The following LRP1B variants were observed in gnomAD, a reference collection of about 807,000 sequenced individuals.
The protein encoded by LRP1B is low-density lipoprotein receptor-related protein 1B.
In LRP1B, 217 loss-of-function variants were observed where a neutral mutation model predicts 556.6. That is an observed-to-expected ratio of 0.39 (90% CI 0.35 to 0.44). The LOEUF (loss-of-function observed/expected upper bound fraction) is 0.44, where lower values mean the gene tolerates loss of function less well. Among genes scored for constraint, LRP1B ranks in the 20% least tolerant of loss-of-function variants. LRP1B has a pLI of 1.00. For synonymous variants in LRP1B, 2,047 were observed against 1,865.8 expected (o/e 1.10, Z -2.50); for missense variants, 5,053 against 5,620.8 (o/e 0.90, Z 3.23).
At chr2:140,829,993 A>G (rs927060281) in intron 31 of LRP1B, among the ~76,000 whole-genome samples, 7 of 152,048 alleles carry the variant, frequency 4.6e-5, no homozygotes, top group African/African-American at 1.7e-4. Flanking sequence ...AACACTAACA[A>G]ATTGGAAAAC....
At chr2:141,420,151 A>G (rs932445127) in intron 3 of LRP1B, among the ~76,000 whole-genome samples, 1 of 152,174 alleles carries the variant, frequency 6.6e-6, no homozygotes, top group African/African-American at 2.4e-5. Context: ...TTCTCCTTTC[A>G]GTTATGCCAT....
chr2:140,717,859 A>C (rs948871361), intron 35 of LRP1B, among the ~76,000 whole-genome samples: 4 of 152,120 alleles, frequency 2.6e-5, no homozygotes, highest in Non-Finnish European at 1.5e-5. Flanking sequence ...CCAGTTCAGG[A>C]AAAGATTCCA....
At chr2:142,097,057 C>CG (rs1706397395) in intron 1 of LRP1B, among the ~76,000 whole-genome samples, 1 of 93,750 alleles carries the variant, frequency 1.1e-5, no homozygotes, top group African/African-American at 3.7e-5. Context: ...ATTATCATTG[C>CG]AAAAAAAAAA....
At chr2:140,927,479 C>T (rs1409049153) in intron 20 of LRP1B, among the ~76,000 whole-genome samples, 1 of 151,906 alleles carries the variant, frequency 6.6e-6, no homozygotes, top group Non-Finnish European at 1.5e-5. Flanking sequence ...TATGGTTTTT[C>T]TCATATAAAA....
intron 1 of LRP1B, among the ~76,000 whole-genome samples, chr2:141,898,926 C>T (rs756025704): frequency 5.9e-5 from 9 of 152,036 alleles, no homozygotes; most frequent in Non-Finnish European, 8.8e-5. Context: ...TTAGTGTAGT[C>T]GATTCAAATA....
At chr2:141,600,894 C>G (rs886673535) in intron 2 of LRP1B, among the ~76,000 whole-genome samples, 15 of 152,200 alleles carry the variant, frequency 9.9e-5, no homozygotes, top group East Asian at 5.8e-4. Context: ...CCGAACAGAA[C>G]CTGGGGTCAG....
Position 140,408,393 on chromosome 2 carries a change from C to T in LRP1B, c.10415-22384G>A, listed in dbSNP as rs527865883. 6.6e-5 allele frequency among the ~76,000 whole-genome samples: 10 copies of T among 151,978 alleles called. No individual in the cohort carries two copies. The South Asian group carries it at 1.7e-3, about 25-fold the overall frequency. ...GTGCCAATGCTGATCATGTACTAGG[C>T]GATCTTGTGAGCTCTGGGTTTTATA... On this transcript the variant is annotated intron_variant, in intron 66 of 90. Transcript: ENST00000389484.
chr2:141,507,809 G>T (rs1263599393), intron 2 of LRP1B, among the ~76,000 whole-genome samples: 1 of 152,024 alleles, frequency 6.6e-6, no homozygotes, highest in East Asian at 1.9e-4. Flanking sequence ...AAACAGTCTG[G>T]GTGTGGTGGC....
chr2:141,949,687 C>T (rs1292171881), intron 1 of LRP1B, among the ~76,000 whole-genome samples: 12 of 152,102 alleles, frequency 7.9e-5, no homozygotes, highest in Admixed American at 7.2e-4. Context: ...CGTGCCTGGC[C>T]GAAACAAAAT....
chr2:141,172,264 A>G (rs1232717579), intron 7 of LRP1B, among the ~76,000 whole-genome samples: 4 of 152,060 alleles, frequency 2.6e-5, no homozygotes, highest in Non-Finnish European at 5.9e-5. Context: ...GTAGTATTGC[A>G]TTATAACATG....
chr2:140,741,379 A>G (rs1028792925), intron 35 of LRP1B, among the ~76,000 whole-genome samples: 5 of 152,126 alleles, frequency 3.3e-5, no homozygotes, highest in African/African-American at 1.2e-4. Context: ...AACACTTAGA[A>G]GAGATTAAGA....
chr2:141,119,145 ATT>A (rs1558873278), intron 7 of LRP1B, among the ~76,000 whole-genome samples: 1 of 151,920 alleles, frequency 6.6e-6, no homozygotes, highest in Non-Finnish European at 1.5e-5. Context: ...CTTTAACACA[ATT>A]TTGAGATAAT....
chr2:140,917,699 A>G (rs1251089077), intron 21 of LRP1B, among the ~76,000 whole-genome samples: 1 of 152,182 alleles, frequency 6.6e-6, no homozygotes, highest in Non-Finnish European at 1.5e-5. Context: ...AGGGAAGAAT[A>G]AACAGGCAGG....
chr2:141,269,005 G>A (rs1684992906), intron 3 of LRP1B, among the ~76,000 whole-genome samples: 1 of 152,110 alleles, frequency 6.6e-6, no homozygotes, highest in Non-Finnish European at 1.5e-5. Flanking sequence ...GTAAAGCAGA[G>A]GTATAACTCT....
chr2:141,470,691 T>G (rs761082621), intron 3 of LRP1B, among the ~76,000 whole-genome samples: 4 of 152,214 alleles, frequency 2.6e-5, no homozygotes, highest in Non-Finnish European at 4.4e-5. Flanking sequence ...AATTCCTTGC[T>G]TTTTAAATAT....
At chr2:141,337,605 C>T (rs965465772) in intron 3 of LRP1B, among the ~76,000 whole-genome samples, 7 of 152,076 alleles carry the variant, frequency 4.6e-5, no homozygotes, top group African/African-American at 1.4e-4. Flanking sequence ...TTTAATAGAT[C>T]GACTATTTAT....
At chr2:140,904,603 C>A (rs953260476) in intron 22 of LRP1B, among the ~76,000 whole-genome samples, 1 of 151,954 alleles carries the variant, frequency 6.6e-6, no homozygotes, top group African/African-American at 2.4e-5. Context: ...AAAGAAGCTA[C>A]AGTAATAAGA....
At chr2:141,987,246 C>A (rs1303931243) in intron 1 of LRP1B, among the ~76,000 whole-genome samples, 2 of 151,964 alleles carry the variant, frequency 1.3e-5, no homozygotes, top group Non-Finnish European at 2.9e-5. Context: ...CAAAGAATTG[C>A]CAAGTTTTCA....
chr2:141,900,019 T>A (rs1401322983), intron 1 of LRP1B, among the ~76,000 whole-genome samples: 1 of 152,076 alleles, frequency 6.6e-6, no homozygotes, highest in Admixed American at 6.6e-5. Context: ...GAACACGCTC[T>A]CTGGAATTAC....
Sources: allele counts gnomAD v4.1 joint callset (sites outside exome capture counted in the v4.1 genomes callset), GRCh38; gene constraint gnomAD v4.1.1; transcripts MANE v1.5; gene names NCBI Gene and HGNC (gene_info 2026-07-23, HGNC 2026-07-21).